The following NAA11 variants were observed in gnomAD, a reference collection of about 807,000 sequenced individuals.
NAA11 encodes N-alpha-acetyltransferase 11.
NAA11 carries 15 observed loss-of-function variants against 16.1 expected under a neutral mutation model. That is an observed-to-expected ratio of 0.93 (90% CI 0.62 to 1.44). The LOEUF is 1.44. Ranked by LOEUF, NAA11 falls within the 40% of genes most tolerant of loss-of-function variation. The pLI is 0.00. For missense variants in NAA11, 298 were observed against 291.3 expected (o/e 1.02, Z -0.17); for synonymous variants, 122 against 112.4 (o/e 1.09, Z -0.54).
intron 2 of NAA11, among the ~76,000 whole-genome samples, chr4:79,279,348 C>A (rs1299241317): frequency 6.6e-6 from 1 of 152,002 alleles, no homozygotes; most frequent in Non-Finnish European, 1.5e-5. Context: ...AAATATGTAA[C>A]TTGCTTTAGG....
intron 1 of NAA11, among the ~76,000 whole-genome samples, chr4:79,298,588 C>T (rs997532699): frequency 6.6e-6 from 1 of 152,232 alleles, no homozygotes; most frequent in African/African-American, 2.4e-5. Context: ...CCTGGAGTTC[C>T]CACCCCACTG....
the NAA11 span, among the ~76,000 whole-genome samples, chr4:79,167,604 A>G: frequency 2.0e-5 from 3 of 152,018 alleles, no homozygotes; most frequent in Non-Finnish European, 2.9e-5. Context: ...GAGTTTTCCA[A>G]GTTTGATAGT....
chr4:79,292,879 T>C (rs768607372), intron 2 of NAA11, among the ~76,000 whole-genome samples: 4 of 152,224 alleles, frequency 2.6e-5, no homozygotes, highest in Non-Finnish European at 5.9e-5. Context: ...TTTAATATGA[T>C]TTCTCTGACT....
the NAA11 span, among the ~76,000 whole-genome samples, chr4:79,186,263 G>A: frequency 6.6e-5 from 10 of 152,102 alleles, no homozygotes; most frequent in Admixed American, 5.2e-4. Context: ...TGGCTATAAT[G>A]GTAATGATAT....
the NAA11 span, among the ~76,000 whole-genome samples, chr4:79,181,798 G>A: frequency 1.3e-5 from 2 of 152,194 alleles, no homozygotes; most frequent in East Asian, 3.8e-4. Flanking sequence ...TGAAGTTGGT[G>A]TGTAAGGGAT....
chr4:79,320,373 TAA>T (rs1724056249), intron 1 of NAA11, among the ~76,000 whole-genome samples: 2 of 152,208 alleles, frequency 1.3e-5, no homozygotes, highest in South Asian at 4.1e-4. Flanking sequence ...TCGATTATAT[TAA>T]GAGCTAAAAT....
At chr4:79,170,938 A>C in the NAA11 span, among the ~76,000 whole-genome samples, 2 of 152,172 alleles carry the variant, frequency 1.3e-5, no homozygotes, top group Non-Finnish European at 2.9e-5. Context: ...AAAAACAAAA[A>C]AAAAATATAG....
chr4:79,222,011 C>G (rs1721198303), downstream of NAA11, among the ~76,000 whole-genome samples: 2 of 144,860 alleles, frequency 1.4e-5, no homozygotes, highest in South Asian at 4.7e-4. Flanking sequence ...GTCCTGGACT[C>G]TTTTTGGTTG....
At chr4:79,233,190 C>G (rs1375564652) in intron 2 of NAA11, among the ~76,000 whole-genome samples, 1 of 151,778 alleles carries the variant, frequency 6.6e-6, no homozygotes, top group Non-Finnish European at 1.5e-5. Flanking sequence ...TTATCTCTGC[C>G]CCTTCTCTTG....
the NAA11 span, among the ~76,000 whole-genome samples, chr4:79,161,846 C>A: frequency 4.6e-5 from 7 of 152,074 alleles, no homozygotes; most frequent in Admixed American, 4.6e-4. Context: ...CCACCCCTGG[C>A]TAATTTTTCT....
chr4:79,241,604 T>A (rs775591068), intron 2 of NAA11, among the ~76,000 whole-genome samples: 1 of 152,246 alleles, frequency 6.6e-6, no homozygotes, highest in African/African-American at 2.4e-5. Flanking sequence ...CGGTGGAGAT[T>A]AACTTTATAA....
At chr4:79,166,073 A>T in the NAA11 span, among the ~76,000 whole-genome samples, 2 of 152,186 alleles carry the variant, frequency 1.3e-5, no homozygotes, top group Non-Finnish European at 2.9e-5. Flanking sequence ...GCAATAATGG[A>T]GAAGTACTTA....
the NAA11 span, among the ~76,000 whole-genome samples, chr4:79,193,560 G>T: frequency 1.3e-5 from 2 of 152,054 alleles, no homozygotes; most frequent in South Asian, 2.1e-4. Flanking sequence ...ATTTCTGAGG[G>T]CTCTGTTCTG....
chr4:79,262,378 A>G (rs989854966), intron 2 of NAA11, among the ~76,000 whole-genome samples: 8 of 152,204 alleles, frequency 5.3e-5, no homozygotes, highest in Non-Finnish European at 7.4e-5. Flanking sequence ...TGTTTGATCA[A>G]TATAGCTGTT....
chr4:79,189,377 C>T, the NAA11 span, among the ~76,000 whole-genome samples: 11 of 151,812 alleles, frequency 7.2e-5, no homozygotes, highest in African/African-American at 2.4e-4. Flanking sequence ...TAGATGGCAA[C>T]ATTTTGAGGA....
intron 2 of NAA11, among the ~76,000 whole-genome samples, chr4:79,282,500 T>C (rs1489204005): frequency 3.3e-5 from 5 of 152,018 alleles, no homozygotes; most frequent in African/African-American, 1.2e-4. Context: ...GAATGGCTGA[T>C]GGGTTAGACA....
At chr4:79,221,985 G>A (rs1721197740), downstream of NAA11, among the ~76,000 whole-genome samples, 1 of 146,126 alleles carries the variant, frequency 6.8e-6, no homozygotes, top group South Asian at 2.4e-4. Flanking sequence ...GTAGAATTTG[G>A]CTGTGAATCC....
the NAA11 span, among the ~76,000 whole-genome samples, chr4:79,189,415 A>G: frequency 6.6e-6 from 1 of 152,126 alleles, no homozygotes; most frequent in African/African-American, 2.4e-5. Context: ...AAAAAAGACA[A>G]TTTAAAAAGC....
At chr4:79,195,547 A>G in the NAA11 span, among the ~76,000 whole-genome samples, 3 of 152,088 alleles carry the variant, frequency 2.0e-5, no homozygotes, top group East Asian at 3.9e-4. Context: ...ATGCAACACT[A>G]TTAGCTAAAA....
Sources: gnomAD v4.1 joint callset for allele counts (sites outside exome capture counted in the v4.1 genomes callset) on GRCh38, gnomAD v4.1.1 for gene constraint, MANE v1.5 for transcripts, NCBI Gene and HGNC (gene_info 2026-07-23, HGNC 2026-07-21) for gene names.